GBE1: variants seen among roughly 807,000 people sequenced by gnomAD.
The protein encoded by GBE1 is 1,4-alpha-glucan branching enzyme 1.
GBE1 carries 70 observed loss-of-function variants against 88.8 expected under a neutral mutation model. The observed-to-expected ratio is 0.79, with a 90% CI of 0.65 to 0.96. The LOEUF (loss-of-function observed/expected upper bound fraction) is 0.96. Ranked by LOEUF, GBE1 falls within the 40% of genes least tolerant of loss-of-function variation. The probability of loss-of-function intolerance (pLI) is 0.00; values close to 1 mark genes in which losing one functional copy is unlikely to be tolerated. For synonymous variants in GBE1, 284 were observed against 300.1 expected, an observed-to-expected ratio of 0.95 and a Z score of 0.56; for missense variants, 872 against 871.0, an observed-to-expected ratio of 1.00 and a Z score of -0.01.
chr3:81,663,235 T>C (rs1705054445), intron 3 of GBE1, among the ~76,000 whole-genome samples: 3 of 152,128 alleles, frequency 2.0e-5, no homozygotes, highest in African/African-American at 7.2e-5. Flanking sequence ...AATACCACCC[T>C]GGCCCGCCAG....
intron 1 of GBE1, among the ~76,000 whole-genome samples, chr3:81,713,172 T>C (rs994556826): frequency 7.2e-5 from 11 of 152,184 alleles, no homozygotes; most frequent in African/African-American, 2.7e-4. Context: ...CACAGAAGAA[T>C]GAGCAAGACC....
chr3:81,532,179 A>G (rs1384791182), intron 14 of GBE1, among the ~76,000 whole-genome samples: 6 of 151,718 alleles, frequency 4.0e-5, no homozygotes, highest in Admixed American at 2.6e-4. Context: ...TGTTAAAATG[A>G]GGTACTATGA....
At chr3:81,647,014 T>C (rs1704775685) in intron 5 of GBE1, among the ~76,000 whole-genome samples, 1 of 150,336 alleles carries the variant, frequency 6.7e-6, no homozygotes, top group Non-Finnish European at 1.5e-5. Context: ...TGCAGTGCAG[T>C]GGCTTGATCT....
chr3:81,637,822 T>C (rs1704611933), intron 7 of GBE1, among the ~76,000 whole-genome samples: 1 of 152,268 alleles, frequency 6.6e-6, no homozygotes, highest in Non-Finnish European at 1.5e-5. Context: ...TATTTATCAT[T>C]GAGAACTGAT....
intron 3 of GBE1, among the ~76,000 whole-genome samples, chr3:81,663,951 T>A (rs1372389846): frequency 1.3e-5 from 2 of 152,152 alleles, no homozygotes; most frequent in African/African-American, 4.8e-5. Flanking sequence ...TTCCTACACA[T>A]AATTATGTGC....
At chr3:81,618,548 A>C (rs1296509772) in intron 7 of GBE1, among the ~76,000 whole-genome samples, 1 of 152,122 alleles carries the variant, frequency 6.6e-6, no homozygotes, top group Non-Finnish European at 1.5e-5. Context: ...GACAAAGAGG[A>C]ATAAACTTTG....
chr3:81,616,902 A>C (rs1260611315), intron 7 of GBE1, among the ~76,000 whole-genome samples: 1 of 151,946 alleles, frequency 6.6e-6, no homozygotes, highest in Non-Finnish European at 1.5e-5. Context: ...TCCTGTATAT[A>C]TTTTATTGGA....
At chr3:81,619,603 T>G (rs1704298347) in intron 7 of GBE1, among the ~76,000 whole-genome samples, 1 of 152,072 alleles carries the variant, frequency 6.6e-6, no homozygotes, top group African/African-American at 2.4e-5. Context: ...CATCATTTCA[T>G]GGGGGCTCAT....
rs570402979 is a variant in GBE1 at position 81,530,350 on chromosome 3, G to C, written c.1934+4845C>G. Reference sequence around the variant, plus strand: ...TACTGGTGATTTATTTAGTTTGTTTGGTGAGGTCATGATTTCCTGGAAGGT... The same window carrying C: ...TACTGGTGATTTATTTAGTTTGTTTCGTGAGGTCATGATTTCCTGGAAGGT... On this transcript the variant is annotated intron_variant, in intron 14 of 15. Transcript: ENST00000429644. 3.3e-5 allele frequency among the ~76,000 whole-genome samples: 5 copies of C among 151,432 alleles called. No individual in the cohort carries two copies. The East Asian group carries it at 7.8e-4, about 24-fold the overall frequency.
At chr3:81,724,894 T>G (rs1351877096) in intron 1 of GBE1, among the ~76,000 whole-genome samples, 3 of 152,226 alleles carry the variant, frequency 2.0e-5, no homozygotes, top group African/African-American at 7.2e-5. Context: ...TCAAAACGTG[T>G]GTTTCTGTGT....
chr3:81,748,560 G>C (rs540550583), intron 1 of GBE1, among the ~76,000 whole-genome samples: 2 of 151,958 alleles, frequency 1.3e-5, no homozygotes. Context: ...GCAGTGAGCC[G>C]AGACCGCGCC....
chr3:81,515,348 A>G (rs1317717070), intron 14 of GBE1, among the ~76,000 whole-genome samples: 3 of 151,586 alleles, frequency 2.0e-5, no homozygotes, highest in Non-Finnish European at 3.0e-5. Context: ...CATTATGTCT[A>G]TGATGATGAT....
chr3:81,731,057 C>G (rs1706178582), intron 1 of GBE1, among the ~76,000 whole-genome samples: 1 of 152,074 alleles, frequency 6.6e-6, no homozygotes, highest in Non-Finnish European at 1.5e-5. Flanking sequence ...GTAATATAGG[C>G]TGAGAGGCAA....
intron 14 of GBE1, among the ~76,000 whole-genome samples, chr3:81,504,132 C>T (rs1160536424): frequency 6.6e-6 from 1 of 152,144 alleles, no homozygotes; most frequent in Non-Finnish European, 1.5e-5. Context: ...GTGTCCCAAA[C>T]ACCTCTACCA....
intron 14 of GBE1, among the ~76,000 whole-genome samples, chr3:81,521,340 C>T (rs534600793): frequency 1.3e-5 from 2 of 151,722 alleles, no homozygotes; most frequent in Admixed American, 6.6e-5. Flanking sequence ...ACTTGATTAA[C>T]ACATGCAATC....
At chr3:81,519,071 T>C (rs1400774786) in intron 14 of GBE1, among the ~76,000 whole-genome samples, 1 of 151,600 alleles carries the variant, frequency 6.6e-6, no homozygotes, top group African/African-American at 2.4e-5. Flanking sequence ...GCAAAAAGCA[T>C]AGATTCTAAT....
chr3:81,659,563 T>A (rs913612544), intron 3 of GBE1, among the ~76,000 whole-genome samples: 1 of 150,710 alleles, frequency 6.6e-6, no homozygotes, highest in Non-Finnish European at 1.5e-5. Flanking sequence ...TTGGCCAGGT[T>A]GATCTCAAAC....
At chr3:81,542,855 T>A (rs942929539) in intron 12 of GBE1, among the ~76,000 whole-genome samples, 11 of 152,072 alleles carry the variant, frequency 7.2e-5, no homozygotes, top group African/African-American at 2.7e-4. Flanking sequence ...AAATAAAAGT[T>A]GAAATTATTT....
chr3:81,544,331 T>C (rs1274508650), intron 12 of GBE1, among the ~76,000 whole-genome samples: 1 of 152,148 alleles, frequency 6.6e-6, no homozygotes, highest in African/African-American at 2.4e-5. Context: ...CCAAAATACG[T>C]ATTACAAGTA....
Sources: allele counts gnomAD v4.1 joint callset (sites outside exome capture counted in the v4.1 genomes callset), GRCh38; gene constraint gnomAD v4.1.1; transcripts MANE v1.5; gene names NCBI Gene and HGNC (gene_info 2026-07-23, HGNC 2026-07-21).